The following ZCCHC4 variants were observed in gnomAD, a reference collection of about 807,000 sequenced individuals.
The protein encoded by ZCCHC4 is zinc finger CCHC-type containing 4, also known as rRNA N(6)-adenosine-methyltransferase ZCCHC4.
In ZCCHC4, 54 loss-of-function variants were observed where a neutral mutation model predicts 67.7. The ratio of observed to expected loss-of-function variants is 0.80; its 90% confidence interval spans 0.64 to 1.00. The LOEUF is 1.00. Ranked by LOEUF, ZCCHC4 falls within the 50% of genes least tolerant of loss-of-function variation. The pLI is 0.00. For missense variants in ZCCHC4, 609 were observed against 617.0 expected (o/e 0.99, Z 0.14); for synonymous variants, 198 against 213.5 (o/e 0.93, Z 0.63).
chr4:25,365,923 A>G, intron 12 of ZCCHC4: 1 of 984,432 alleles, frequency 1.0e-6, no homozygotes, highest in South Asian at 4.7e-5. Flanking sequence ...CTCTTCCTTT[A>G]TTGCTAAGAA....
intron 8 of ZCCHC4, among the ~76,000 whole-genome samples, chr4:25,360,799 G>T (rs1284249501): frequency 6.6e-6 from 1 of 152,078 alleles, no homozygotes; most frequent in East Asian, 1.9e-4. Flanking sequence ...CATTCCTGAT[G>T]GGGGGGCATG....
At chr4:25,343,037 G>A (rs544111120) in intron 5 of ZCCHC4, among the ~76,000 whole-genome samples, 8 of 152,182 alleles carry the variant, frequency 5.3e-5, no homozygotes, top group East Asian at 3.9e-4. Context: ...TCCTTTGGTC[G>A]TACTTATAAA....
At chr4:25,333,136 A>G (rs1269635986) in intron 3 of ZCCHC4, 47 bp from the exon 4 acceptor site, 2 of 1,571,252 alleles carry the variant, frequency 1.3e-6, no homozygotes, top group Admixed American at 1.8e-5. Flanking sequence ...TGTGTTTACA[A>G]CAATAAACTT....
chr4:25,345,996 G>A (rs1311304924), intron 6 of ZCCHC4, among the ~76,000 whole-genome samples: 1 of 152,138 alleles, frequency 6.6e-6, no homozygotes, highest in African/African-American at 2.4e-5. Context: ...GGTCCATGCT[G>A]TTCCTGCTGG....
chr4:25,323,060 T>C (rs1577726876), intron 3 of ZCCHC4, among the ~76,000 whole-genome samples: 1 of 152,222 alleles, frequency 6.6e-6, no homozygotes, highest in Non-Finnish European at 1.5e-5. Flanking sequence ...TTTTGTGATA[T>C]TAAGATTAAT....
chr4:25,340,714 A>G lies in ZCCHC4; in HGVS notation c.687-4834A>G, dbSNP rs75352544. 6.8e-3 allele frequency among the ~76,000 whole-genome samples: 1,029 copies of G among 152,252 alleles called. 9 individuals are homozygous for G. The highest frequency in any genetic ancestry group is 0.023 in the African/African-American group (966 of 41,532). On this transcript the variant is annotated intron_variant, in intron 5 of 12. Coordinates refer to ENST00000302874, the MANE Select transcript of ZCCHC4 (RefSeq NM_024936.3). ...ATGTAAGTTTTGTGCTTCTTTTATT[A>G]AATTTATCTCTAGATGTTTTATTAT...
chr4:25,349,590 G>A lies in ZCCHC4; in HGVS notation c.858G>A (p.Leu286=), dbSNP rs376004814. The A allele has an allele frequency of 1.9e-6, 3 of 1,613,938 alleles. No individual in the cohort carries two copies. The highest frequency in any genetic ancestry group is 2.7e-5 in the African/African-American group (2 of 75,016). ...DPPFGGLVEP[L]AITFKKLIAM... The stretch of plus-strand genomic sequence containing the variant: ...CGTTTGGTGGCTTGGTTGAACCTCT[G>A]GCTATTACATTCAAGAAGTTAATTG... Residue 286 remains leucine (L), a synonymous_variant, in exon 7 of 13, where the codon CTG becomes CTA. Transcript: ENST00000302874.
intron 7 of ZCCHC4, among the ~76,000 whole-genome samples, chr4:25,349,896 A>G (rs1228881862): frequency 1.3e-5 from 2 of 152,168 alleles, no homozygotes; most frequent in East Asian, 3.9e-4. Context: ...GACATTATGC[A>G]GAACAGCAGT....
In ZCCHC4 at chr4:25,329,544, T is replaced by TG. The variant is rs1474763572; in HGVS notation, c.330-3639_330-3638insG. Among the ~76,000 whole-genome samples, 464 of 150,032 alleles carry TG rather than the reference T, an allele frequency of 3.1e-3. 2 individuals carry two copies. The highest frequency in any genetic ancestry group is 0.011 in the African/African-American group (445 of 40,978). Reference sequence around the variant, plus strand: ...CTTTTTATATTTTCCTTTTTTTTTTTTTTTGTTTTGAGACAGAGTCTCGCT... The same window carrying TG: ...CTTTTTATATTTTCCTTTTTTTTTTTGTTTTGTTTTGAGACAGAGTCTCGCT... On this transcript the variant is annotated intron_variant, in intron 3 of 12. Coordinates refer to ENST00000302874, the MANE Select transcript of ZCCHC4 (RefSeq NM_024936.3).
intron 3 of ZCCHC4, among the ~76,000 whole-genome samples, chr4:25,318,258 T>G (rs1022153355): frequency 6.6e-6 from 1 of 152,044 alleles, no homozygotes; most frequent in Non-Finnish European, 1.5e-5. Flanking sequence ...AATTAAACTC[T>G]GTAAGAAAAT....
At chr4:25,344,927 A>G (rs1317104002) in intron 5 of ZCCHC4, among the ~76,000 whole-genome samples, 2 of 151,594 alleles carry the variant, frequency 1.3e-5, no homozygotes, top group Middle Eastern at 3.2e-3. Flanking sequence ...CTCAGCCTTC[A>G]TAGTAGCTGG....
At chr4:25,337,609 T>C (rs1354157912) in intron 5 of ZCCHC4, among the ~76,000 whole-genome samples, 2 of 152,142 alleles carry the variant, frequency 1.3e-5, no homozygotes, top group African/African-American at 4.8e-5. Flanking sequence ...GAGTTGGTTC[T>C]CCACAGGAAA....
chr4:25,364,207 A>G (rs923010260), intron 10 of ZCCHC4, among the ~76,000 whole-genome samples: 1 of 152,140 alleles, frequency 6.6e-6, no homozygotes, highest in Non-Finnish European at 1.5e-5. Flanking sequence ...TGGATTTTCA[A>G]GATCATTTAG....
At chr4:25,319,179 C>A (rs112274128) in intron 3 of ZCCHC4, among the ~76,000 whole-genome samples, 10,360 of 152,046 alleles carry the variant, frequency 0.068, 424 homozygotes, top group African/African-American at 0.11. Flanking sequence ...GTCAGGAGAT[C>A]GAGACCATCC....
chr4:25,363,164 C>T (rs1720818608), intron 10 of ZCCHC4, among the ~76,000 whole-genome samples: 2 of 152,134 alleles, frequency 1.3e-5, no homozygotes, highest in African/African-American at 4.8e-5. Flanking sequence ...TTTTGTGTTC[C>T]ACCTATTCAT....
Position 25,345,545 on chromosome 4 carries a change from C to T in ZCCHC4, c.687-3C>T, listed in dbSNP as rs1049718905. 11 of 1,447,722 alleles carry T rather than the reference C, an allele frequency of 7.6e-6. No individual in the cohort carries two copies. Among genetic ancestry groups the T allele is most frequent in the African/African-American group, 5.6e-5 (4 of 71,508 alleles). The allele number at this position is 1,447,722 out of a possible 1,614,324, so 89.7% of individuals were successfully genotyped here. A position where few individuals can be genotyped will look rare whatever the true frequency, so the allele number is the denominator to read the frequency against. ...GGCAAATAACTCTGTAATTATTTTACAGGTATTCACAGTTTTATATGGAAG... is the reference window on the plus strand; with the variant it reads ...GGCAAATAACTCTGTAATTATTTTATAGGTATTCACAGTTTTATATGGAAG... On this transcript the variant is annotated splice_region_variant and splice_polypyrimidine_tract_variant and intron_variant, in intron 5 of 12. Coordinates refer to ENST00000302874, the MANE Select transcript of ZCCHC4 (RefSeq NM_024936.3).
chr4:25,333,150 A>T, intron 3 of ZCCHC4, 33 bp from the exon 4 acceptor site: 1 of 1,589,746 alleles, frequency 6.3e-7, no homozygotes, highest in Non-Finnish European at 8.6e-7. Flanking sequence ...TAAACTTAAA[A>T]TATATTTCTT....
intron 12 of ZCCHC4, chr4:25,365,706 C>T: frequency 1.0e-6 from 1 of 985,010 alleles, no homozygotes; most frequent in Non-Finnish European, 1.2e-6. Flanking sequence ...ATTATTTTCA[C>T]ATCTCTCACC....
intron 3 of ZCCHC4, among the ~76,000 whole-genome samples, chr4:25,318,349 C>CTTTTTTTTTTTTTTTTTTTT (rs528144406): frequency 6.6e-5 from 3 of 45,518 alleles, no homozygotes; most frequent in African/African-American, 1.0e-4. Context: ...CACTCTCTCT[C>CTTTTTTTTTTTTTTTTTTTT]TTTTTTTTTT....
Sources: allele counts gnomAD v4.1 joint callset (sites outside exome capture counted in the v4.1 genomes callset), GRCh38; gene constraint gnomAD v4.1.1; transcripts MANE v1.5; gene names NCBI Gene and HGNC (gene_info 2026-07-23, HGNC 2026-07-21).